Variants in MAGI2 observed in about 807,000 individuals in gnomAD.
MAGI2 encodes the protein membrane-associated guanylate kinase, WW and PDZ domain-containing protein 2.
A neutral mutation model predicts 133.3 loss-of-function variants in MAGI2; 35 were observed. The observed-to-expected ratio is 0.26, with a 90% CI of 0.20 to 0.35. The LOEUF is 0.35. Among genes scored for constraint, MAGI2 ranks in the 10% least tolerant of loss-of-function variants. MAGI2 has a pLI of 1.00. For synonymous variants in MAGI2, 729 were observed against 710.6 expected (o/e 1.03, Z -0.41); for missense variants, 1,636 against 1,863.4 (o/e 0.88, Z 2.25).
At chr7:78,187,077 C>T (rs1414401861) in intron 12 of MAGI2, among the ~76,000 whole-genome samples, 1 of 152,142 alleles carries the variant, frequency 6.6e-6, no homozygotes, top group African/African-American at 2.4e-5. Context: ...TGATGAATTT[C>T]ATGTTAAGTT....
intron 2 of MAGI2, among the ~76,000 whole-genome samples, chr7:78,633,853 T>C (rs1809335448): frequency 6.6e-6 from 1 of 151,972 alleles, no homozygotes; most frequent in South Asian, 2.1e-4. Flanking sequence ...AAACAGTTCA[T>C]CATCGATTTT....
intron 1 of MAGI2, chr7:79,343,221 C>T (rs1486017491): frequency 1.3e-5 from 2 of 152,086 alleles, no homozygotes; most frequent in Non-Finnish European, 2.9e-5. Context: ...TCAGCACCTG[C>T]AAATGTTTCC....
intron 10 of MAGI2, among the ~76,000 whole-genome samples, chr7:78,214,854 T>C (rs1262588335): frequency 1.3e-5 from 2 of 152,228 alleles, no homozygotes; most frequent in East Asian, 3.9e-4. Flanking sequence ...TGGGGATTCT[T>C]GGTGCAACTG....
intron 4 of MAGI2, among the ~76,000 whole-genome samples, chr7:78,514,858 C>T (rs781549079): frequency 8.5e-5 from 13 of 152,134 alleles, no homozygotes; most frequent in Admixed American, 7.9e-4. Context: ...ACATAAGGGA[C>T]ACTCTGTTTG....
intron 2 of MAGI2, among the ~76,000 whole-genome samples, chr7:78,969,454 C>T (rs1438457972): frequency 1.3e-5 from 2 of 152,022 alleles, no homozygotes; most frequent in African/African-American, 4.8e-5. Context: ...AGTGTGTGTT[C>T]GTGTCATTAA....
chr7:79,124,938 A>G (rs1019623394), intron 1 of MAGI2: 2 of 293,170 alleles, frequency 6.8e-6, no homozygotes, highest in Non-Finnish European at 6.6e-6. Flanking sequence ...GAGGAGGTGG[A>G]TGCAGCCCTG....
chr7:78,916,274 G>A (rs1798788486), intron 2 of MAGI2, among the ~76,000 whole-genome samples: 2 of 151,974 alleles, frequency 1.3e-5, no homozygotes, highest in Non-Finnish European at 2.9e-5. Context: ...CGTACTTAAT[G>A]TAGTAGTGAT....
At chr7:78,311,037 C>T (rs929623992) in intron 9 of MAGI2, among the ~76,000 whole-genome samples, 10 of 152,106 alleles carry the variant, frequency 6.6e-5, no homozygotes, top group Admixed American at 2.0e-4. Context: ...GTTCTCAGTG[C>T]CTTCTAAGTG....
chr7:79,283,945 C>A (rs1426233204), intron 1 of MAGI2, among the ~76,000 whole-genome samples: 1 of 151,956 alleles, frequency 6.6e-6, no homozygotes, highest in Non-Finnish European at 1.5e-5. Context: ...ATTAGATACA[C>A]AAATACTTAT....
At chr7:78,577,284 T>A (rs1344616582) in intron 3 of MAGI2, among the ~76,000 whole-genome samples, 4 of 152,150 alleles carry the variant, frequency 2.6e-5, no homozygotes, top group Non-Finnish European at 5.9e-5. Context: ...AAGCCATAAA[T>A]ATGAAAATTC....
In MAGI2 at chr7:79,028,423, G is replaced by T. The variant is rs541700474; in HGVS notation, c.302-21217C>A. Among the ~76,000 whole-genome samples the T allele has an allele frequency of 5.3e-5, 8 of 150,458 alleles. No individual in the cohort carries two copies. In the East Asian group the frequency reaches 5.9e-4, roughly 11 times the overall value. On this transcript the variant is annotated intron_variant, in intron 1 of 21. Coordinates refer to ENST00000354212, the MANE Select transcript of MAGI2 (RefSeq NM_012301.4). The stretch of plus-strand genomic sequence containing the variant: ...TATGATGCATAATTTCACATTTTGG[G>T]ATGGTGCTAGAGAGGCAGTTGTATT...
Position 78,893,657 on chromosome 7 carries a change from A to G in MAGI2, c.418+113433T>C, listed in dbSNP as rs140950593. 1.9e-4 allele frequency among the ~76,000 whole-genome samples: 29 copies of G among 151,852 alleles called. No individual in the cohort carries two copies. The East Asian group carries it at 5.7e-3, about 30-fold the overall frequency. ...AAAAAACCAAACACCACATGTTCTC[A>G]CTCACAGGTAGGAATTAAACAATGA... On this transcript the variant is annotated intron_variant, in intron 2 of 21. Transcript: ENST00000354212.
At chr7:79,353,859 C>A in intron 1 of MAGI2, 1 of 198,650 alleles carries the variant, frequency 5.0e-6, no homozygotes, top group Non-Finnish European at 1.1e-5. Context: ...CCTGCTTATG[C>A]TTCAGTGGCC....
intron 1 of MAGI2, among the ~76,000 whole-genome samples, chr7:79,016,124 GAGA>G (rs887782187): frequency 7.2e-5 from 11 of 152,106 alleles, no homozygotes; most frequent in African/African-American, 2.7e-4. Flanking sequence ...GAGCTGCTTA[GAGA>G]AGTAGTATGG....
At chr7:78,989,296 C>T (rs1805541818) in intron 2 of MAGI2, among the ~76,000 whole-genome samples, 2 of 152,010 alleles carry the variant, frequency 1.3e-5, no homozygotes, top group Non-Finnish European at 1.5e-5. Flanking sequence ...ACTTTTATTA[C>T]AGAAATATTT....
intron 4 of MAGI2, among the ~76,000 whole-genome samples, chr7:78,502,812 T>C (rs1794739703): frequency 6.6e-6 from 1 of 151,976 alleles, no homozygotes; most frequent in Admixed American, 6.6e-5. Context: ...ATCCCCAACA[T>C]ATAAACAGTA....
At chr7:78,326,039 GT>G in intron 9 of MAGI2, among the ~76,000 whole-genome samples, 1 of 152,128 alleles carries the variant, frequency 6.6e-6, no homozygotes, top group African/African-American at 2.4e-5. Context: ...CTTAAGTTCT[GT>G]TTCCACTTTC....
intron 1 of MAGI2, among the ~76,000 whole-genome samples, chr7:79,036,776 A>G (rs1419799048): frequency 1.3e-5 from 2 of 152,228 alleles, no homozygotes; most frequent in African/African-American, 4.8e-5. Flanking sequence ...TCAAAGTGAA[A>G]TAATAAAGTA....
chr7:78,124,453 C>T (rs1377990594), intron 20 of MAGI2, among the ~76,000 whole-genome samples: 2 of 152,178 alleles, frequency 1.3e-5, no homozygotes, highest in East Asian at 3.9e-4. Context: ...ACATGATGTG[C>T]ATGCCTTCTG....
Sources: gnomAD v4.1 joint callset for allele counts (sites outside exome capture counted in the v4.1 genomes callset) on GRCh38, gnomAD v4.1.1 for gene constraint, MANE v1.5 for transcripts, NCBI Gene and HGNC (gene_info 2026-07-23, HGNC 2026-07-21) for gene names.